ARFGEF2: variants seen among roughly 807,000 people sequenced by gnomAD.
The protein encoded by ARFGEF2 is brefeldin A-inhibited guanine nucleotide-exchange protein 2.
Under a neutral mutation model 219.9 loss-of-function variants are expected in ARFGEF2, and 74 were observed. The ratio of observed to expected loss-of-function variants is 0.34; its 90% CI spans 0.28 to 0.41. ARFGEF2 has a LOEUF of 0.41. Among genes scored for constraint, ARFGEF2 ranks in the 10% least tolerant of loss-of-function variants. ARFGEF2 has a pLI of 1.00. For missense variants in ARFGEF2, 1,743 were observed against 2,218.3 expected (o/e 0.79, Z 4.30); for synonymous variants, 733 against 799.2 (o/e 0.92, Z 1.40).
At chr20:49,019,959 A>G (rs2091555897) in intron 34 of ARFGEF2, among the ~76,000 whole-genome samples, 1 of 152,218 alleles carries the variant, frequency 6.6e-6, no homozygotes, top group African/African-American at 2.4e-5. Flanking sequence ...ATTTAAAAAA[A>G]TAAGTTTAAC....
intron 14 of ARFGEF2, among the ~76,000 whole-genome samples, chr20:48,978,089 T>C (rs867799795): frequency 2.6e-5 from 4 of 152,234 alleles, no homozygotes; most frequent in Non-Finnish European, 5.9e-5. Flanking sequence ...TAGGTTTTCT[T>C]CTAGAGTTTT....
At chr20:48,997,956 C>A in intron 23 of ARFGEF2, 1 of 508,890 alleles carries the variant, frequency 2.0e-6, no homozygotes, top group Non-Finnish European at 3.6e-6. Context: ...CTCCCGAGTT[C>A]AAGCGAATCT....
In ARFGEF2 at chr20:48,929,365, C is replaced by T. The variant is rs142207837; in HGVS notation, c.121+7355C>T. Among the ~76,000 whole-genome samples, 438 of 152,318 alleles carry T rather than the reference C, an allele frequency of 2.9e-3. 1 individual carries two copies. The highest frequency in any genetic ancestry group is 4.8e-3 in the Admixed American group (73 of 15,302). On this transcript the variant is annotated intron_variant, in intron 1 of 38. Coordinates refer to ENST00000371917, the MANE Select transcript of ARFGEF2 (RefSeq NM_006420.3). ...TAGGGAGTGGTCAGTGTATATTTGT[C>T]GTTCTGAATATAGCCCTTTTGCCTG... is the stretch of plus-strand genomic sequence containing the variant.
chr20:48,945,877 A>G (rs2091022934), intron 3 of ARFGEF2, among the ~76,000 whole-genome samples: 1 of 152,152 alleles, frequency 6.6e-6, no homozygotes, highest in African/African-American at 2.4e-5. Context: ...AAAAAAAGGA[A>G]AAACACACAG....
At chr20:48,952,275 C>G (rs1471725196) in intron 4 of ARFGEF2, among the ~76,000 whole-genome samples, 1 of 150,620 alleles carries the variant, frequency 6.6e-6, no homozygotes, top group Non-Finnish European at 1.5e-5. Flanking sequence ...TGTTCCTCAT[C>G]CTCCCGAGTA....
chr20:48,962,921 A>G (rs1053745639), intron 6 of ARFGEF2, among the ~76,000 whole-genome samples: 1 of 152,072 alleles, frequency 6.6e-6, no homozygotes, highest in Non-Finnish European at 1.5e-5. Context: ...TAAATGAGTA[A>G]TGTTAGGCCA....
At position 48,995,808 on chromosome 20, in the gene ARFGEF2, T is replaced by C. The variant is rs1325237095; in HGVS notation, c.3147T>C (p.Asp1049=). 6.2e-7 allele frequency: 1 copy of C among 1,614,174 alleles called. No homozygotes were observed. Among genetic ancestry groups the C allele is most frequent in the East Asian group, 2.2e-5 (1 of 44,882 alleles). The change falls in exon 23 of 39, where the codon GAT becomes GAC. Residue 1049 remains aspartate, a synonymous_variant. Transcript: ENST00000371917. ...GTAATTTGGTGAGTGGCGGAGTGGA[T>C]AAAAGACAGATGGCCAGCTTCCAAG... The part of the protein sequence containing the change: ...GLGNLVSGGV[D]KRQMASFQES...
At chr20:48,976,289 T>A in intron 14 of ARFGEF2, 90 bp downstream of exon 14, 1 of 1,517,902 alleles carries the variant, frequency 6.6e-7, no homozygotes, top group Non-Finnish European at 9.0e-7. Flanking sequence ...AGGAAATGCC[T>A]GTTTACAAAA....
chr20:48,956,879 C>G (rs34385643), intron 6 of ARFGEF2, among the ~76,000 whole-genome samples: 31,225 of 152,180 alleles, frequency 0.21, 3,372 homozygotes, highest in Non-Finnish European at 0.24. Context: ...CACGCCCAAC[C>G]AGGATCTTTG....
chr20:48,933,574 C>G (rs1275075406), intron 1 of ARFGEF2, among the ~76,000 whole-genome samples: 1 of 152,040 alleles, frequency 6.6e-6, no homozygotes, highest in South Asian at 2.1e-4. Context: ...CTCCTTTTCC[C>G]TTGGCATTGC....
chr20:48,985,698 T>C lies in ARFGEF2; in HGVS notation c.2276+85T>C, dbSNP rs2091323001. Reference sequence around the variant, plus strand: ...TCTAATTTGGTTGGGGTTTAATCTTTGTATATCTGTGCCAAGCAACTGAAG... The same window carrying C: ...TCTAATTTGGTTGGGGTTTAATCTTCGTATATCTGTGCCAAGCAACTGAAG... On this transcript the variant is annotated intron_variant, in intron 16 of 38. Transcript: ENST00000371917. 6 of 1,383,098 alleles carry C rather than the reference T, an allele frequency of 4.3e-6. No individual in the cohort carries two copies. In the South Asian group the frequency reaches 7.3e-5, roughly 17 times the overall value. 85.7% of individuals were successfully genotyped at this position (1,383,098 alleles called of 1,614,324 possible).
rs576324857 is a variant in ARFGEF2, at chr20:49,030,659, T to G, written c.5064-1390T>G. 8.5e-5 allele frequency among the ~76,000 whole-genome samples: 13 copies of G among 152,276 alleles called. 1 individual carries two copies. In the South Asian group the frequency reaches 2.7e-3, roughly 32 times the overall value. ...GAGGCACCAATGGCTCATTTCAGCTTAAGCCCAAAAGACAAATACCTACAG... is the reference window on the plus strand; with the variant it reads ...GAGGCACCAATGGCTCATTTCAGCTGAAGCCCAAAAGACAAATACCTACAG... On this transcript the variant is annotated intron_variant, in intron 37 of 38. Transcript: ENST00000371917.
chr20:49,020,213 G>T (rs2091557814), intron 34 of ARFGEF2, among the ~76,000 whole-genome samples: 1 of 152,200 alleles, frequency 6.6e-6, no homozygotes, highest in Admixed American at 6.5e-5. Context: ...TGCCTTTATA[G>T]CAGTCCCACC....
intron 25 of ARFGEF2, among the ~76,000 whole-genome samples, chr20:48,999,946 C>G (rs1415519783): frequency 6.6e-6 from 1 of 152,022 alleles, no homozygotes; most frequent in East Asian, 1.9e-4. Context: ...TCCAGAAATT[C>G]TGTACATTGA....
At chr20:48,978,823 T>C (rs570652778) in intron 14 of ARFGEF2, among the ~76,000 whole-genome samples, 22 of 152,366 alleles carry the variant, frequency 1.4e-4, no homozygotes, top group African/African-American at 5.0e-4. Flanking sequence ...ACATTGATTT[T>C]ATATTCTGAG....
intron 27 of ARFGEF2, among the ~76,000 whole-genome samples, chr20:49,011,069 G>A (rs924743372): frequency 2.6e-5 from 4 of 152,192 alleles, no homozygotes; most frequent in South Asian, 4.1e-4. Flanking sequence ...AGTATTCTAC[G>A]TGCAGAAAGG....
At chr20:48,994,919 T>C (rs2091377535) in intron 22 of ARFGEF2, among the ~76,000 whole-genome samples, 1 of 152,198 alleles carries the variant, frequency 6.6e-6, no homozygotes, top group Admixed American at 6.5e-5. Context: ...TTTGTGTCTC[T>C]AGGTTTTAAA....
intron 8 of ARFGEF2, among the ~76,000 whole-genome samples, chr20:48,966,332 C>T (rs561338843): frequency 3.3e-5 from 5 of 152,212 alleles, no homozygotes; most frequent in African/African-American, 4.8e-5. Context: ...TATAGTTACC[C>T]GTCTTTCCTT....
intron 6 of ARFGEF2, among the ~76,000 whole-genome samples, chr20:48,960,088 C>G (rs2091136822): frequency 6.6e-6 from 1 of 152,202 alleles, no homozygotes; most frequent in Non-Finnish European, 1.5e-5. Flanking sequence ...GGCAGTTTCA[C>G]TGTTTTGCGA....
Sources: gnomAD v4.1 joint callset for allele counts (sites outside exome capture counted in the v4.1 genomes callset) on GRCh38, gnomAD v4.1.1 for gene constraint, MANE v1.5 for transcripts, NCBI Gene and HGNC (gene_info 2026-07-23, HGNC 2026-07-21) for gene names.